Variants in ETHE1 observed in about 807,000 individuals in gnomAD.
The protein encoded by ETHE1 is persulfide dioxygenase ETHE1, mitochondrial.
A neutral mutation model predicts 25.7 loss-of-function variants in ETHE1; 16 were observed. The observed-to-expected ratio is 0.62, with a 90% CI of 0.42 to 0.95. ETHE1 has a LOEUF of 0.95. Ranked by LOEUF, ETHE1 falls within the 40% of genes least tolerant of loss-of-function variation. The probability of loss-of-function intolerance (pLI) is 0.00; values close to 1 mark genes in which losing one functional copy is unlikely to be tolerated. For missense variants in ETHE1, 300 were observed against 333.6 expected (o/e 0.90, Z 0.79); for synonymous variants, 139 against 135.9 (o/e 1.02, Z -0.16).
intron 3 of ETHE1, among the ~76,000 whole-genome samples, chr19:43,516,623 C>CTTTTTTTTT (rs71169249): frequency 2.1e-3 from 231 of 110,098 alleles, no homozygotes; most frequent in African/African-American, 2.3e-3. Context: ...TTCTTTTTTT[C>CTTTTTTTTT]TTTTTTTTTT....
chr19:43,516,349 G>C lies in ETHE1; in HGVS notation c.376-4783C>G, dbSNP rs371329079. On this transcript the variant is annotated intron_variant, in intron 3 of 6. Transcript: ENST00000292147. ...GAGTCTCACTCTGTCACCCAGGCTG[G>C]AGTGCAGTGGTGCGATCTCGGCTCA... is the stretch of plus-strand genomic sequence containing the variant. 2.5e-4 allele frequency among the ~76,000 whole-genome samples: 38 copies of C among 152,014 alleles called. No individual in the cohort carries two copies. In the East Asian group the frequency reaches 7.0e-3, roughly 28 times the overall value.
chr19:43,515,109 T>C (rs139815601), intron 3 of ETHE1, among the ~76,000 whole-genome samples: 6 of 152,188 alleles, frequency 3.9e-5, no homozygotes, highest in African/African-American at 1.4e-4. Context: ...GTTTTACACT[T>C]TTAAAAATAA....
At chr19:43,506,955 C>T (rs1190636458) in intron 6 of ETHE1, 53 bp from the exon 7 acceptor site, 3 of 1,583,220 alleles carry the variant, frequency 1.9e-6, no homozygotes, top group South Asian at 2.2e-5. Flanking sequence ...GAGTTCCAGG[C>T]CCCACTGGAG....
intron 3 of ETHE1, among the ~76,000 whole-genome samples, chr19:43,520,814 C>T (rs1164379232): frequency 6.6e-6 from 1 of 151,972 alleles, no homozygotes; most frequent in Non-Finnish European, 1.5e-5. Context: ...GTATTGAAAC[C>T]CACACTTGAG....
chr19:43,516,177 G>A (rs925609253), intron 3 of ETHE1, among the ~76,000 whole-genome samples: 2 of 152,138 alleles, frequency 1.3e-5, no homozygotes, highest in Admixed American at 6.6e-5. Context: ...TCTTGGATCC[G>A]GAATATATAA....
At chr19:43,510,626 C>A (rs1232892717) in intron 4 of ETHE1, among the ~76,000 whole-genome samples, 2 of 136,790 alleles carry the variant, frequency 1.5e-5, no homozygotes, top group Non-Finnish European at 3.1e-5. Context: ...AGCCACCATG[C>A]CCAGCCCTTT....
chr19:43,526,259 C>G lies in ETHE1; in HGVS notation c.317G>C (p.Ser106Thr), dbSNP rs886054480. The change falls in exon 3 of 7, where the codon AGT (serine) becomes ACT (threonine). Residue 106 changes from serine (S) to threonine (T), a missense_variant. By Grantham distance (58) the Ser-to-Thr change is moderately conservative. Transcript: ENST00000292147. ...AATGTGTAAGTCAGCCTGGGCCCCACTAAGGCGGGAGATGACAGACTGGCA... is the reference window on the plus strand; with the variant it reads ...AATGTGTAAGTCAGCCTGGGCCCCAGTAAGGCGGGAGATGACAGACTGGCA... ...PGCQSVISRL[S>T]GAQADLHIED... is the part of the protein sequence containing the mutation. The G allele has an allele frequency of 1.2e-6, 2 of 1,614,210 alleles. No homozygotes were observed.
chr19:43,525,784 T>C, intron 3 of ETHE1: 1 of 293,694 alleles, frequency 3.4e-6, no homozygotes, highest in South Asian at 3.2e-5. Flanking sequence ...CTTTTCCTAG[T>C]CCTGGGCTCC....
At chr19:43,512,899 A>G (rs1971946740) in intron 3 of ETHE1, among the ~76,000 whole-genome samples, 1 of 152,174 alleles carries the variant, frequency 6.6e-6, no homozygotes, top group East Asian at 1.9e-4. Flanking sequence ...ACAGGTCCAA[A>G]GGACTAGGAG....
intron 3 of ETHE1, among the ~76,000 whole-genome samples, chr19:43,514,382 C>T (rs1045262148): frequency 1.3e-5 from 2 of 152,106 alleles, no homozygotes; most frequent in African/African-American, 4.8e-5. Context: ...TGCCTTCACT[C>T]CTGTTTTGCC....
chr19:43,511,779 A>T lies in ETHE1; in HGVS notation c.376-213T>A, dbSNP rs145542263. Among the ~76,000 whole-genome samples the T allele has an allele frequency of 4.4e-4, 67 of 152,346 alleles. 1 individual carries two copies. In the East Asian group the frequency reaches 0.013, roughly 28 times the overall value. On this transcript the variant is annotated intron_variant, in intron 3 of 6. Coordinates refer to ENST00000292147, the MANE Select transcript of ETHE1 (RefSeq NM_014297.5). The stretch of plus-strand genomic sequence containing the variant: ...AAATAAAACCGCAAAGCTGTGACAC[A>T]CAACAACAAAAATACAAATAATATC...
At chr19:43,516,623 C>CTTTTTTTT (rs71169249) in intron 3 of ETHE1, among the ~76,000 whole-genome samples, 41 of 110,178 alleles carry the variant, frequency 3.7e-4, no homozygotes, top group Admixed American at 6.9e-4. Flanking sequence ...TTCTTTTTTT[C>CTTTTTTTT]TTTTTTTTTT....
chr19:43,523,884 T>C (rs1972186153), intron 3 of ETHE1, among the ~76,000 whole-genome samples: 1 of 151,854 alleles, frequency 6.6e-6, no homozygotes, highest in Non-Finnish European at 1.5e-5. Flanking sequence ...TGCAGTGAAC[T>C]GAGAGCTTGC....
intron 3 of ETHE1, among the ~76,000 whole-genome samples, chr19:43,518,267 A>C (rs2145998734): frequency 6.6e-6 from 1 of 152,090 alleles, no homozygotes; most frequent in Middle Eastern, 3.4e-3. Flanking sequence ...CTATAATTAC[A>C]GCACTTTGAG....
chr19:43,523,192 C>T (rs763843664), intron 3 of ETHE1, among the ~76,000 whole-genome samples: 7 of 152,180 alleles, frequency 4.6e-5, no homozygotes, highest in Non-Finnish European at 7.3e-5. Context: ...AGTTCTGTAT[C>T]GGGATCTGGG....
intron 3 of ETHE1, among the ~76,000 whole-genome samples, chr19:43,515,385 C>A (rs1180923621): frequency 6.7e-6 from 1 of 149,666 alleles, no homozygotes; most frequent in African/African-American, 2.5e-5. Flanking sequence ...CCATCACACT[C>A]CAGCCTGGAT....
At position 43,527,112 on chromosome 19, in the gene ETHE1, G is replaced by T; in HGVS notation, c.66C>A (p.Pro22=). 6.4e-7 allele frequency: 1 copy of T among 1,557,554 alleles called. No individual in the cohort carries two copies. The highest frequency in any genetic ancestry group is 1.2e-5 in the South Asian group (1 of 85,458). Reference sequence around the variant, plus strand: ...CCACCCGCACCTGCCGCAGGAGGATGGGGGCTCCAGACCCGCCGCGCTGGC... The same window carrying T: ...CCACCCGCACCTGCCGCAGGAGGATTGGGGCTCCAGACCCGCCGCGCTGGC... The part of the protein sequence containing the change: ...QLSQRGGSGA[P]ILLRQMFEPV... Residue 22 remains proline (P), a synonymous_variant, in exon 1 of 7, where the codon CCC becomes CCA. Coordinates refer to ENST00000292147, the MANE Select transcript of ETHE1 (RefSeq NM_014297.5).
intron 3 of ETHE1, among the ~76,000 whole-genome samples, chr19:43,514,209 T>C (rs1014607383): frequency 1.3e-5 from 2 of 152,068 alleles, no homozygotes; most frequent in African/African-American, 4.8e-5. Context: ...GCTCCCATAA[T>C]CCCCATGGGT....
chr19:43,526,797 G>A, intron 1 of ETHE1, 138 bp from the exon 2 acceptor site: 10 of 1,522,484 alleles, frequency 6.6e-6, no homozygotes, highest in Non-Finnish European at 8.8e-6. Flanking sequence ...GGAGTCGGGA[G>A]TCCGGAGCCC....
Sources: gnomAD v4.1 joint callset for allele counts (sites outside exome capture counted in the v4.1 genomes callset) on GRCh38, gnomAD v4.1.1 for gene constraint, MANE v1.5 for transcripts, NCBI Gene and HGNC (gene_info 2026-07-23, HGNC 2026-07-21) for gene names.